Variants in KCTD16 observed in about 807,000 individuals in gnomAD.
KCTD16 encodes BTB/POZ domain-containing protein KCTD16.
In KCTD16, 13 loss-of-function variants were observed where a neutral mutation model predicts 33.2. That is an observed-to-expected ratio of 0.39 (90% confidence interval 0.25 to 0.62). KCTD16 has a LOEUF of 0.62. Ranked by LOEUF, KCTD16 falls within the 20% of genes least tolerant of loss-of-function variation. KCTD16 has a pLI of 0.50. For synonymous variants in KCTD16, 197 were observed against 195.3 expected, an observed-to-expected ratio of 1.01 and a Z score of -0.07; for missense variants, 441 against 525.1, an observed-to-expected ratio of 0.84 and a Z score of 1.57.
chr5:144,329,728 TCAAA>T (rs1349283552), intron 3 of KCTD16, among the ~76,000 whole-genome samples: 2 of 152,172 alleles, frequency 1.3e-5, no homozygotes, highest in African/African-American at 2.4e-5. Context: ...AAACACTCAA[TCAAA>T]CAAACAGAAA....
intron 3 of KCTD16, among the ~76,000 whole-genome samples, chr5:144,259,782 G>A (rs1754955996): frequency 6.6e-6 from 1 of 152,204 alleles, no homozygotes; most frequent in Non-Finnish European, 1.5e-5. Context: ...ACAGATGCAA[G>A]TAGGTGACCT....
At chr5:144,397,254 C>T (rs1752593122) in intron 3 of KCTD16, among the ~76,000 whole-genome samples, 1 of 152,034 alleles carries the variant, frequency 6.6e-6, no homozygotes, top group Non-Finnish European at 1.5e-5. Flanking sequence ...GACATGAACT[C>T]ATCCTTTTTT....
At position 144,207,140 on chromosome 5, in the gene KCTD16, C is replaced by A; in HGVS notation, c.426C>A (p.Ala142=). The part of the protein sequence containing the change: ...DEFCHSDFED[A]SQGSDTRICP... The stretch of plus-strand genomic sequence containing the variant: ...TCTGCCACAGTGACTTTGAAGATGC[C>A]TCCCAAGGAAGCGACACAAGAATCT... Residue 142 remains alanine, a synonymous_variant, in exon 3 of 4, where the codon GCC becomes GCA. Transcript: ENST00000512467. 1 of 1,611,282 alleles carries A rather than the reference C, an allele frequency of 6.2e-7. No homozygotes were observed. Among genetic ancestry groups the A allele is most frequent in the Non-Finnish European group, 8.5e-7 (1 of 1,178,866 alleles).
At chr5:144,286,591 G>A (rs1442182166) in intron 3 of KCTD16, among the ~76,000 whole-genome samples, 2 of 152,162 alleles carry the variant, frequency 1.3e-5, no homozygotes, top group Non-Finnish European at 2.9e-5. Context: ...CATTGTTTAG[G>A]CATGGGGGCT....
chr5:144,436,099 C>A (rs186136592), intron 3 of KCTD16, among the ~76,000 whole-genome samples: 3 of 152,062 alleles, frequency 2.0e-5, no homozygotes, highest in African/African-American at 7.2e-5. Flanking sequence ...TTAGTTTTAA[C>A]TAGGTGACCT....
intron 3 of KCTD16, among the ~76,000 whole-genome samples, chr5:144,461,529 C>T (rs376253822): frequency 5.9e-4 from 90 of 152,298 alleles, no homozygotes; most frequent in Non-Finnish European, 9.9e-4. Context: ...TACCAGTACC[C>T]TTGGCTATTG....
At chr5:144,471,027 A>G (rs1754457371) in intron 3 of KCTD16, among the ~76,000 whole-genome samples, 1 of 152,188 alleles carries the variant, frequency 6.6e-6, no homozygotes, top group Non-Finnish European at 1.5e-5. Context: ...AACATACCAA[A>G]AAATTAGCCG....
At chr5:144,378,846 T>A (rs1353932582) in intron 3 of KCTD16, among the ~76,000 whole-genome samples, 2 of 152,208 alleles carry the variant, frequency 1.3e-5, no homozygotes, top group African/African-American at 4.8e-5. Context: ...CTTCACTGCA[T>A]ATAGACAGAT....
chr5:144,383,933 T>C (rs1752270871), intron 3 of KCTD16, among the ~76,000 whole-genome samples: 2 of 152,156 alleles, frequency 1.3e-5, no homozygotes, highest in South Asian at 4.1e-4. Flanking sequence ...TCATTAAAAA[T>C]GGTGAGTTGT....
At chr5:144,388,734 C>CA (rs1200283761) in intron 3 of KCTD16, among the ~76,000 whole-genome samples, 2 of 152,142 alleles carry the variant, frequency 1.3e-5, no homozygotes, top group African/African-American at 2.4e-5. Flanking sequence ...GCCATGCTGA[C>CA]AGGTAGCAAC....
At chr5:144,194,193 A>G (rs1247113038) in intron 2 of KCTD16, among the ~76,000 whole-genome samples, 4 of 152,294 alleles carry the variant, frequency 2.6e-5, no homozygotes, top group Admixed American at 6.5e-5. Flanking sequence ...TTTCACTCAG[A>G]TATCCTTGTA....
intron 3 of KCTD16, among the ~76,000 whole-genome samples, chr5:144,244,040 G>T (rs973255140): frequency 6.6e-6 from 1 of 152,118 alleles, no homozygotes; most frequent in Admixed American, 6.6e-5. Flanking sequence ...ACCGCGTCCA[G>T]CCCCCCATGA....
At chr5:144,298,856 G>C (rs1756120080) in intron 3 of KCTD16, among the ~76,000 whole-genome samples, 1 of 150,814 alleles carries the variant, frequency 6.6e-6, no homozygotes, top group African/African-American at 2.4e-5. Context: ...CTTATTCTAA[G>C]TCCTTTCTCT....
At chr5:144,283,581 AC>A (rs527297238) in intron 3 of KCTD16, among the ~76,000 whole-genome samples, 63 of 152,346 alleles carry the variant, frequency 4.1e-4, no homozygotes, top group African/African-American at 1.5e-3. Context: ...AACAAATATA[AC>A]GGATAAAAAT....
chr5:144,190,004 C>T (rs1175364966), intron 2 of KCTD16, among the ~76,000 whole-genome samples: 1 of 152,132 alleles, frequency 6.6e-6, no homozygotes, highest in Admixed American at 6.5e-5. Flanking sequence ...ACTGCAGATT[C>T]GTTGTGAGTA....
intron 3 of KCTD16, among the ~76,000 whole-genome samples, chr5:144,341,741 G>A (rs1395897902): frequency 6.6e-6 from 1 of 152,196 alleles, no homozygotes; most frequent in African/African-American, 2.4e-5. Flanking sequence ...AGGACATAGA[G>A]TTTGGATTTG....
chr5:144,360,524 C>T (rs244520), intron 3 of KCTD16, among the ~76,000 whole-genome samples: 33,194 of 151,690 alleles, frequency 0.22, 3,981 homozygotes, highest in Non-Finnish European at 0.27. Context: ...CTCTGCCTCC[C>T]GGGTTCAAGC....
chr5:144,233,008 C>G (rs1754149928), intron 3 of KCTD16, among the ~76,000 whole-genome samples: 1 of 152,050 alleles, frequency 6.6e-6, no homozygotes, highest in Non-Finnish European at 1.5e-5. Context: ...TGGACATCCT[C>G]TATTGATTCA....
intron 3 of KCTD16, among the ~76,000 whole-genome samples, chr5:144,359,858 C>T (rs953554828): frequency 4.0e-5 from 6 of 151,848 alleles, no homozygotes; most frequent in Admixed American, 1.3e-4. Flanking sequence ...TGTGCCCCTC[C>T]GAAAACTTGT....
Sources: gnomAD v4.1 joint callset for allele counts (sites outside exome capture counted in the v4.1 genomes callset) on GRCh38, gnomAD v4.1.1 for gene constraint, MANE v1.5 for transcripts, NCBI Gene and HGNC (gene_info 2026-07-23, HGNC 2026-07-21) for gene names.